The following FGF17 variants were observed in gnomAD, a reference collection of about 807,000 sequenced individuals.
FGF17 encodes fibroblast growth factor 17.
Under a neutral mutation model 23.5 loss-of-function variants are expected in FGF17, and 5 were observed. The observed-to-expected ratio is 0.21, with a 90% CI of 0.11 to 0.45. The LOEUF (loss-of-function observed/expected upper bound fraction) is 0.45. Ranked by LOEUF, FGF17 falls within the 20% of genes least tolerant of loss-of-function variation. FGF17 has a pLI of 0.99. For missense variants in FGF17, 221 were observed against 306.9 expected, an observed-to-expected ratio of 0.72 and a Z score of 2.09; for synonymous variants, 136 against 123.0, an observed-to-expected ratio of 1.11 and a Z score of -0.70.
chr8:22,044,933 G>A (rs1176750816), intron 2 of FGF17: 2 of 985,530 alleles, frequency 2.0e-6, no homozygotes, highest in Non-Finnish European at 2.4e-6. Context: ...GGATAAAGGT[G>A]GAATTAGGGA....
chr8:22,048,185 A>G lies in FGF17; in HGVS notation c.587A>G (p.Glu196Gly). 2 of 1,612,768 alleles carry G rather than the reference A, an allele frequency of 1.2e-6. No homozygotes were observed. Among genetic ancestry groups the G allele is most frequent in the African/African-American group, 2.7e-5 (2 of 75,046 alleles). The change falls in exon 5 of 5, where the codon GAG (glutamate) becomes GGG (glycine). Residue 196 changes from glutamate to glycine, a missense_variant. Physicochemically the swap from Glu to Gly is moderately conservative, Grantham distance 98. Transcript: ENST00000359441. This position sits in a 1 kb window ranked among gnomAD's most constrained non-coding sequence, Gnocchi z 6.9. ...CACGCCGAGAAGCAGAAGCAGTTCG[A>G]GTTTGTGGGCTCCGCCCCCACCCGC... ...PNHAEKQKQF[E>G]FVGSAPTRRT...
rs190867302 is a variant in FGF17 at position 22,046,490 on chromosome 8, C to T, written c.251-37C>T. The T allele has an allele frequency of 2.8e-4, 438 of 1,555,936 alleles. 3 individuals carry two copies. Among genetic ancestry groups the T allele is most frequent in the Middle Eastern group, 2.4e-3 (14 of 5,876 alleles). Reference sequence around the variant, plus strand: ...TGCTGTAGCCATAGGCCGGCAGCCCCGATGGACGGAGGTCTTTCTCCCCTC... The same window carrying T: ...TGCTGTAGCCATAGGCCGGCAGCCCTGATGGACGGAGGTCTTTCTCCCCTC... On this transcript the variant is annotated intron_variant, in intron 3 of 4. Coordinates refer to ENST00000359441, the MANE Select transcript of FGF17 (RefSeq NM_003867.4).
intron 2 of FGF17, 65 bp from the exon 3 acceptor site, chr8:22,046,049 G>A: frequency 1.2e-6 from 2 of 1,613,406 alleles, no homozygotes; most frequent in Non-Finnish European, 1.7e-6. Context: ...CCTCTCCCTT[G>A]GATGGACCAG....
intron 2 of FGF17, chr8:22,045,774 G>A (rs1800851224): frequency 8.1e-7 from 1 of 1,230,974 alleles, no homozygotes; most frequent in South Asian, 1.7e-5. Context: ...CTAATGAGCT[G>A]TGTGCCCCGT....
chr8:22,044,069 G>A (rs1800799093), intron 2 of FGF17, among the ~76,000 whole-genome samples: 1 of 151,736 alleles, frequency 6.6e-6, no homozygotes, highest in Non-Finnish European at 1.5e-5. Context: ...CCCCGTTCCA[G>A]GCCTTTTGCT....
chr8:22,046,762 A>G, intron 4 of FGF17, 129 bp downstream of exon 4: 1 of 664,540 alleles, frequency 1.5e-6, no homozygotes, highest in Admixed American at 3.0e-5. Context: ...TCCTACTCTC[A>G]GCCCACCCAC....
chr8:22,042,808 C>A, upstream of FGF17: 1 of 954,270 alleles, frequency 1.0e-6, no homozygotes, highest in South Asian at 1.4e-5. Context: ...CTCCTCGCCC[C>A]CCTGAAAACC....
chr8:22,047,513 G>A (rs775641443), intron 4 of FGF17, among the ~76,000 whole-genome samples: 48 of 152,210 alleles, frequency 3.2e-4, no homozygotes, highest in Non-Finnish European at 6.2e-4. Flanking sequence ...CTGTAGAAAT[G>A]GGCACAGACC....
intron 2 of FGF17, 115 bp from the exon 3 acceptor site, chr8:22,045,999 A>G (rs758324782): frequency 5.8e-5 from 92 of 1,590,976 alleles, no homozygotes; most frequent in Non-Finnish European, 7.4e-5. Context: ...TTCACTCTGC[A>G]GGACAAGTGG....
Position 22,046,621 on chromosome 8 carries a change from G to A in FGF17, c.345G>A (p.Lys115=), listed in dbSNP as rs867130159. Residue 115 remains lysine (K), a synonymous_variant, in exon 4 of 5, where the codon AAG becomes AAA. Transcript: ENST00000359441. The stretch of plus-strand genomic sequence containing the variant: ...ACATCTGTATGAACAAGAGGGGCAA[G>A]CTCATCGGGAAGGTGAGGCTGGGAG... The part of the protein sequence containing the change: ...EKYICMNKRG[K]LIGKPSGKSK... 8.1e-6 allele frequency: 13 copies of A among 1,612,468 alleles called. No individual in the cohort carries two copies. In the African/African-American group the frequency reaches 1.5e-4, roughly 18 times the overall value.
rs138406778 is a variant in FGF17 at position 22,042,937 on chromosome 8, C to T, written c.9C>T (p.Ala3=). MG[A]ARLLPNLTLC... is the part of the protein sequence containing the mutation. ...GAGGAACCTCTCCAGCGATGGGAGCCGCCCGCCTGCTGCCCAACCTCACTC... is the reference window on the plus strand; with the variant it reads ...GAGGAACCTCTCCAGCGATGGGAGCTGCCCGCCTGCTGCCCAACCTCACTC... The change falls in exon 1 of 5, where the codon GCC becomes GCT. Residue 3 remains alanine (A), a synonymous_variant. Coordinates refer to ENST00000359441, the MANE Select transcript of FGF17 (RefSeq NM_003867.4). 3.4e-5 allele frequency: 55 copies of T among 1,613,220 alleles called. No homozygotes were observed. The highest frequency in any genetic ancestry group is 4.5e-5 in the East Asian group (2 of 44,870).
chr8:22,043,916 G>A (rs926490586), intron 2 of FGF17, among the ~76,000 whole-genome samples: 1 of 152,168 alleles, frequency 6.6e-6, no homozygotes, highest in Non-Finnish European at 1.5e-5. Context: ...CCAGAGGCCC[G>A]CTTCTCTTCA....
rs1388307103 is a variant in FGF17, at chr8:22,047,956, C to A, written c.358C>A (p.Pro120Thr). 4 of 1,597,990 alleles carry A rather than the reference C, an allele frequency of 2.5e-6. No individual in the cohort carries two copies. Among genetic ancestry groups the A allele is most frequent in the Admixed American group, 3.4e-5 (2 of 59,662 alleles). ...MNKRGKLIGK[P>T]SGKSKDCVFT... ...CTTCCTGTCCTTGCTTCTCCCGCAG[C>A]CCAGCGGGAAGAGCAAAGACTGCGT... Residue 120 changes from proline to threonine, a missense_variant and splice_region_variant, in exon 5 of 5, where the codon CCC (proline) becomes ACC (threonine). By Grantham distance (38) the Pro-to-Thr change is conservative. Coordinates refer to ENST00000359441, the MANE Select transcript of FGF17 (RefSeq NM_003867.4).
intron 4 of FGF17, 69 bp downstream of exon 4, chr8:22,046,702 G>T: frequency 1.0e-6 from 1 of 983,658 alleles, no homozygotes; most frequent in South Asian, 1.3e-5. Flanking sequence ...AGGGCATCAT[G>T]CTCCCCTCTC....
chr8:22,048,407 C>CCGGTGCCCCAGGGGCGGCTGGCA lies in FGF17; in HGVS notation c.*160_*182dup. The CCGGTGCCCCAGGGGCGGCTGGCA allele has an allele frequency of 1.4e-6, 1 of 698,354 alleles. No homozygotes were observed. Among genetic ancestry groups the CCGGTGCCCCAGGGGCGGCTGGCA allele is most frequent in the Non-Finnish European group, 2.3e-6 (1 of 427,462 alleles). The allele number at this position is 698,354 out of a possible 1,614,324, so 43.3% of individuals were successfully genotyped here. A position where few individuals can be genotyped will look rare whatever the true frequency, so the allele number is the denominator to read the frequency against. ...GAGCCCCCAGCTGGGAAGGGGCAGG[C>CCGGTGCCCCAGGGGCGGCTGGCA]CGGTGCCCCAGGGGCGGCTGGCACA... is the stretch of plus-strand genomic sequence containing the variant. On this transcript the variant is annotated 3_prime_UTR_variant, in exon 5 of 5. Transcript: ENST00000359441. This position sits in a 1 kb window ranked among gnomAD's most constrained non-coding sequence, Gnocchi z 6.9.
intron 2 of FGF17, chr8:22,044,655 C>G (rs1260518565): frequency 1.6e-5 from 16 of 984,276 alleles, no homozygotes; most frequent in Non-Finnish European, 1.9e-5. Context: ...CTGGGCAGGT[C>G]CCCCACCCCA....
chr8:22,045,093 G>A (rs1322395935), intron 2 of FGF17: 3 of 985,440 alleles, frequency 3.0e-6, no homozygotes, highest in Admixed American at 6.1e-5. Context: ...TTGCAGGATG[G>A]AGGGGAAGAA....
At chr8:22,042,985 C>G (rs753598485) in intron 1 of FGF17, 22 bp downstream of exon 1, 2 of 1,612,168 alleles carry the variant, frequency 1.2e-6, no homozygotes, top group East Asian at 2.2e-5. Context: ...ACCTCTCCCA[C>G]TGGAGTTTCG....
rs941745134 is a variant in FGF17, at chr8:22,046,691, T to C, written c.357+58T>C. On this transcript the variant is annotated intron_variant, in intron 4 of 4. Transcript: ENST00000359441. The stretch of plus-strand genomic sequence containing the variant: ...TCAGCCCTACTGGGGTGGGGACATA[T>C]AGGGCATCATGCTCCCCTCTCTCCT... 19 of 1,187,048 alleles carry C rather than the reference T, an allele frequency of 1.6e-5. No homozygotes were observed. The Admixed American group carries it at 2.1e-4, about 13-fold the overall frequency. The allele number at this position is 1,187,048 out of a possible 1,614,324, so 73.5% of individuals were successfully genotyped here.
Sources: gnomAD v4.1 joint callset for allele counts (sites outside exome capture counted in the v4.1 genomes callset) on GRCh38, gnomAD v4.1.1 for gene constraint, Gnocchi (gnomAD v3.1) non-coding constraint, MANE v1.5 for transcripts, NCBI Gene and HGNC (gene_info 2026-07-23, HGNC 2026-07-21) for gene names.